Variants in RORA observed in about 807,000 individuals in gnomAD.
RORA encodes the protein nuclear receptor ROR-alpha.
A neutral mutation model predicts 69.5 loss-of-function variants in RORA; 7 were observed. That is an observed-to-expected ratio of 0.10 (90% CI 0.06 to 0.19). The LOEUF (loss-of-function observed/expected upper bound fraction) is 0.19. Ranked by LOEUF, RORA falls within the 10% of genes least tolerant of loss-of-function variation. The pLI is 1.00. For synonymous variants in RORA, 261 were observed against 240.8 expected, an observed-to-expected ratio of 1.08 and a Z score of -0.78; for missense variants, 457 against 663.0, an observed-to-expected ratio of 0.69 and a Z score of 3.41.
intron 2 of RORA, among the ~76,000 whole-genome samples, chr15:60,584,131 G>A (rs2068265098): frequency 6.6e-6 from 1 of 152,216 alleles, no homozygotes; most frequent in African/African-American, 2.4e-5. Context: ...ACAAAGTGAG[G>A]CCTAAGGACC....
chr15:60,932,630 C>G (rs757290368), intron 1 of RORA, among the ~76,000 whole-genome samples: 1 of 152,150 alleles, frequency 6.6e-6, no homozygotes, highest in Non-Finnish European at 1.5e-5. Flanking sequence ...AAGCTACCAG[C>G]GATTTGGCGG....
chr15:60,699,614 T>C (rs56397838), intron 1 of RORA, among the ~76,000 whole-genome samples: 3,325 of 152,290 alleles, frequency 0.022, 109 homozygotes, highest in African/African-American at 0.074. Flanking sequence ...TTCTTAAATT[T>C]GTTTTTACTG....
chr15:60,931,995 AT>A (rs1892386935), intron 1 of RORA, among the ~76,000 whole-genome samples: 1 of 152,138 alleles, frequency 6.6e-6, no homozygotes, highest in African/African-American at 2.4e-5. Flanking sequence ...CTAATCCTGA[AT>A]TCTCAAAGCA....
chr15:60,769,274 C>T lies in RORA; in HGVS notation c.167-90588G>A, dbSNP rs1411374593. On this transcript the variant is annotated intron_variant, in intron 1 of 10. Transcript: ENST00000335670. ...AAACTGCTATTTGAGATAACTGTCT[C>T]GATAAGCCTCTTGCAAATATAATAT... 2.6e-5 allele frequency among the ~76,000 whole-genome samples: 4 copies of T among 152,156 alleles called. No individual in the cohort carries two copies. In the East Asian group the frequency reaches 5.8e-4, roughly 22 times the overall value.
chr15:61,078,329 CTGTGTGTGTGTGTG>C (rs56676588), intron 1 of RORA, among the ~76,000 whole-genome samples: 91 of 133,254 alleles, frequency 6.8e-4, no homozygotes, highest in African/African-American at 1.2e-3. Flanking sequence ...ACACCTGGCT[CTGTGTGTGTGTGTG>C]TGTGTGTGTG....
At chr15:61,170,779 G>A (rs2079578351) in intron 1 of RORA, among the ~76,000 whole-genome samples, 4 of 152,224 alleles carry the variant, frequency 2.6e-5, no homozygotes, top group South Asian at 2.1e-4. Flanking sequence ...TGCTTAGTTA[G>A]GTAAAGCAGA....
chr15:61,041,363 G>A (rs1360721210), intron 1 of RORA, among the ~76,000 whole-genome samples: 3 of 152,058 alleles, frequency 2.0e-5, no homozygotes, highest in Non-Finnish European at 4.4e-5. Context: ...TGAGCTATCA[G>A]AGGTGCTTTC....
intron 1 of RORA, among the ~76,000 whole-genome samples, chr15:60,794,617 C>T (rs1189845246): frequency 6.6e-6 from 1 of 152,216 alleles, no homozygotes; most frequent in Middle Eastern, 3.2e-3. Context: ...CTAACTGAGT[C>T]CCCAATATCC....
chr15:61,011,952 A>G (rs1416769997), intron 1 of RORA, among the ~76,000 whole-genome samples: 1 of 152,272 alleles, frequency 6.6e-6, no homozygotes, highest in Non-Finnish European at 1.5e-5. Context: ...TCAAAGAAAC[A>G]AAGAGCTGAG....
chr15:60,719,730 G>T (rs1402267031), intron 1 of RORA, among the ~76,000 whole-genome samples: 1 of 152,142 alleles, frequency 6.6e-6, no homozygotes, highest in African/African-American at 2.4e-5. Context: ...TTTAAACACA[G>T]CTTTCATGTT....
chr15:61,059,991 A>AGAGGAAGAG (rs1178411887), intron 1 of RORA, among the ~76,000 whole-genome samples: 3 of 65,898 alleles, frequency 4.6e-5, no homozygotes, highest in East Asian at 4.6e-4. Context: ...AGGAAGAGGA[A>AGAGGAAGAG]GAAGAAGAAG....
intron 1 of RORA, among the ~76,000 whole-genome samples, chr15:60,721,768 T>C (rs886186394): frequency 1.3e-5 from 2 of 152,254 alleles, no homozygotes; most frequent in Non-Finnish European, 2.9e-5. Context: ...TCAGTCTTCT[T>C]TATGAAAACA....
rs1366345987 is a variant in RORA, at chr15:60,984,560, A to T, written c.166+244493T>A. 2.0e-5 allele frequency among the ~76,000 whole-genome samples: 3 copies of T among 152,136 alleles called. No homozygotes were observed. In the East Asian group the frequency reaches 5.8e-4, roughly 29 times the overall value. ...TGTCTACAAACAATTTACACAATAT[A>T]GGAGGTAACATACACAAATAATAAG... On this transcript the variant is annotated intron_variant, in intron 1 of 10. Coordinates refer to ENST00000335670, the MANE Select transcript of RORA (RefSeq NM_134261.3).
chr15:60,981,896 T>C (rs1206483791), intron 1 of RORA, among the ~76,000 whole-genome samples: 4 of 152,138 alleles, frequency 2.6e-5, no homozygotes, highest in Non-Finnish European at 4.4e-5. Flanking sequence ...AATTTTCTAA[T>C]TGAAAATTGA....
intron 8 of RORA, among the ~76,000 whole-genome samples, chr15:60,501,746 A>T (rs917592299): frequency 5.3e-5 from 8 of 152,242 alleles, no homozygotes; most frequent in Admixed American, 3.9e-4. Context: ...ACAGAATGTG[A>T]AAGTCCCCTA....
intron 1 of RORA, among the ~76,000 whole-genome samples, chr15:61,161,100 T>C (rs2079491566): frequency 6.6e-6 from 1 of 152,068 alleles, no homozygotes; most frequent in Non-Finnish European, 1.5e-5. Flanking sequence ...AGAAGCCCAA[T>C]ATGTAAAACA....
chr15:60,708,704 C>G (rs1253870211), intron 1 of RORA, among the ~76,000 whole-genome samples: 2 of 152,208 alleles, frequency 1.3e-5, no homozygotes, highest in African/African-American at 4.8e-5. Flanking sequence ...CACTTTCCCC[C>G]CAACCCTGTT....
chr15:60,552,435 C>T (rs867820063), intron 2 of RORA, among the ~76,000 whole-genome samples: 5 of 152,282 alleles, frequency 3.3e-5, no homozygotes, highest in Non-Finnish European at 4.4e-5. Flanking sequence ...TGGAATGCCA[C>T]GTATTTATTA....
At chr15:60,992,790 T>C (rs1393678700) in intron 1 of RORA, among the ~76,000 whole-genome samples, 1 of 152,240 alleles carries the variant, frequency 6.6e-6, no homozygotes, top group Non-Finnish European at 1.5e-5. Context: ...AAAGTCAATC[T>C]GTGCTTTAAA....
Sources: allele counts gnomAD v4.1 joint callset (sites outside exome capture counted in the v4.1 genomes callset), GRCh38; gene constraint gnomAD v4.1.1; transcripts MANE v1.5; gene names NCBI Gene and HGNC (gene_info 2026-07-23, HGNC 2026-07-21).